Variants in NAV2 observed in about 807,000 individuals in gnomAD.
The protein encoded by NAV2 is neuron navigator 2, also known as helicase, APC down-regulated 1.
In NAV2, 54 loss-of-function variants were observed where a neutral mutation model predicts 223.2. That is an observed-to-expected ratio of 0.24 (90% confidence interval 0.19 to 0.30). The LOEUF is 0.30. NAV2 is among the 10% of genes least tolerant of loss of function. The pLI is 1.00. For synonymous variants in NAV2, 1,279 were observed against 1,239.3 expected (o/e 1.03, Z -0.67); for missense variants, 2,806 against 3,147.5 (o/e 0.89, Z 2.60).
intron 5 of NAV2, among the ~76,000 whole-genome samples, chr11:19,890,187 G>A (rs2707098): frequency 0.15 from 23,428 of 152,142 alleles, 2,263 homozygotes; most frequent in East Asian, 0.39. Context: ...AAAGTTACAG[G>A]TAAGGAATTT....
chr11:20,055,739 A>G, intron 18 of NAV2, 30 bp from the exon 19 acceptor site: 2 of 1,599,650 alleles, frequency 1.3e-6, no homozygotes, highest in South Asian at 1.1e-5. Context: ...ATGAATGTCT[A>G]ACCTTTTGAT....
At chr11:19,879,118 A>T (rs1376014924) in intron 4 of NAV2, among the ~76,000 whole-genome samples, 2 of 152,178 alleles carry the variant, frequency 1.3e-5, no homozygotes, top group African/African-American at 2.4e-5. Flanking sequence ...GGATCTCCCA[A>T]GGAGAAGCCC....
chr11:19,826,932 T>C (rs1488542308), intron 1 of NAV2, among the ~76,000 whole-genome samples: 1 of 152,216 alleles, frequency 6.6e-6, no homozygotes, highest in African/African-American at 2.4e-5. Flanking sequence ...TGTGACGCAC[T>C]ACCAGGAGTG....
chr11:19,979,754 T>C (rs1158979772), intron 10 of NAV2, among the ~76,000 whole-genome samples: 2 of 152,218 alleles, frequency 1.3e-5, no homozygotes, highest in African/African-American at 4.8e-5. Context: ...GCTCCCTATA[T>C]GCCAGGCACT....
rs960347680 is a variant in NAV2, at chr11:20,051,339, T to C, written c.4481+6T>C. ...TTGCCTAAGAAAGGACTCAGGTATC[T>C]GTGTTTCCTCCTTGCATCTGTGCCA... On this transcript the variant is annotated splice_donor_region_variant and intron_variant, in intron 17 of 37. Transcript: ENST00000349880. 6.2e-7 allele frequency: 1 copy of C among 1,613,694 alleles called. No homozygotes were observed. Among genetic ancestry groups the C allele is most frequent in the Admixed American group, 1.7e-5 (1 of 60,032 alleles).
chr11:19,568,051 C>T (rs184219364), intron 1 of NAV2, among the ~76,000 whole-genome samples: 11 of 152,356 alleles, frequency 7.2e-5, no homozygotes, highest in African/African-American at 2.2e-4. Context: ...GCTGATGCAG[C>T]GCCTGGCTCA....
At chr11:19,870,365 G>A (rs145754574) in intron 4 of NAV2, among the ~76,000 whole-genome samples, 11 of 152,234 alleles carry the variant, frequency 7.2e-5, no homozygotes, top group African/African-American at 2.4e-4. Context: ...GGGCATACTC[G>A]TCCTAGTTTC....
intron 1 of NAV2, among the ~76,000 whole-genome samples, chr11:19,527,074 A>G (rs1185698342): frequency 2.0e-5 from 3 of 151,576 alleles, no homozygotes; most frequent in African/African-American, 4.9e-5. Context: ...CTCTCTTGAT[A>G]TGGTTTGGCT....
intron 22 of NAV2, among the ~76,000 whole-genome samples, chr11:20,077,335 A>C (rs1399532502): frequency 1.3e-5 from 2 of 152,040 alleles, no homozygotes; most frequent in Non-Finnish European, 2.9e-5. Context: ...AAAGATGTAC[A>C]AGGGCCCTAA....
chr11:19,632,860 C>G (rs2047385265), intron 1 of NAV2, among the ~76,000 whole-genome samples: 1 of 152,232 alleles, frequency 6.6e-6, no homozygotes. Context: ...ATGTGCAAGG[C>G]ACTGTACCCA....
At chr11:19,976,159 G>C (rs1174825820) in intron 10 of NAV2, among the ~76,000 whole-genome samples, 2 of 152,064 alleles carry the variant, frequency 1.3e-5, no homozygotes. Flanking sequence ...CCACTGCCCG[G>C]GTCCAGTGCT....
At chr11:19,523,241 C>T (rs117079924) in intron 1 of NAV2, among the ~76,000 whole-genome samples, 2,955 of 152,314 alleles carry the variant, frequency 0.019, 45 homozygotes, top group Middle Eastern at 0.034. Flanking sequence ...GCCTCCTGCC[C>T]GGTCCTCCTG....
chr11:20,000,553 A>G (rs1458268838), intron 11 of NAV2, among the ~76,000 whole-genome samples: 1 of 152,140 alleles, frequency 6.6e-6, no homozygotes, highest in Non-Finnish European at 1.5e-5. Flanking sequence ...TTCTCAGTTT[A>G]AACAAAGGCC....
chr11:19,863,058 C>T (rs1391817610), intron 3 of NAV2, among the ~76,000 whole-genome samples: 2 of 152,146 alleles, frequency 1.3e-5, no homozygotes, highest in Non-Finnish European at 2.9e-5. Context: ...TTCTTTGTGA[C>T]CAGCCTAGAA....
At chr11:19,647,256 A>C (rs1438119072) in intron 1 of NAV2, among the ~76,000 whole-genome samples, 2 of 152,158 alleles carry the variant, frequency 1.3e-5, no homozygotes, top group Non-Finnish European at 2.9e-5. Flanking sequence ...GGTTTCCAGA[A>C]GTCATAAAGA....
At chr11:19,941,178 G>T (rs2046370115) in intron 8 of NAV2, among the ~76,000 whole-genome samples, 1 of 152,122 alleles carries the variant, frequency 6.6e-6, no homozygotes, top group East Asian at 1.9e-4. Context: ...GTGACAGATT[G>T]CAGTGTGTGA....
At chr11:19,516,367 G>A (rs2134276455) in intron 1 of NAV2, among the ~76,000 whole-genome samples, 1 of 152,306 alleles carries the variant, frequency 6.6e-6, no homozygotes, top group South Asian at 2.1e-4. Flanking sequence ...GTCCAGAACT[G>A]CCACCCTTAC....
In NAV2 at chr11:19,582,000, A is replaced by G. The variant is rs1212398528; in HGVS notation, c.75+230973A>G. On this transcript the variant is annotated intron_variant, in intron 1 of 37. Coordinates refer to the NAV2 transcript ENST00000360655. The stretch of plus-strand genomic sequence containing the variant: ...CCACCAACAGTGTAAAATTGTTCCT[A>G]TTTCTCCACATCCTCTCCAGCTCCT... Among the ~76,000 whole-genome samples the G allele has an allele frequency of 8.5e-5, 13 of 152,216 alleles. No homozygotes were observed. The East Asian group carries it at 2.1e-3, about 25-fold the overall frequency.
chr11:19,976,346 G>T (rs1452249621), intron 10 of NAV2, among the ~76,000 whole-genome samples: 1 of 152,168 alleles, frequency 6.6e-6, no homozygotes, highest in Non-Finnish European at 1.5e-5. Context: ...GAGTTGAGCT[G>T]CAGACAGCGA....
Sources: gnomAD v4.1 joint callset for allele counts (sites outside exome capture counted in the v4.1 genomes callset) on GRCh38, gnomAD v4.1.1 for gene constraint, MANE v1.5 for transcripts, NCBI Gene and HGNC (gene_info 2026-07-23, HGNC 2026-07-21) for gene names.